Variants in CAMTA1 observed in about 807,000 individuals in gnomAD.
The protein encoded by CAMTA1 is calmodulin binding transcription activator 1, also known as calmodulin-binding transcription activator 1.
CAMTA1 carries 27 observed loss-of-function variants against 170.9 expected under a neutral mutation model. The observed-to-expected ratio is 0.16, with a 90% CI of 0.12 to 0.22. The LOEUF (loss-of-function observed/expected upper bound fraction) is 0.22. Among genes scored for constraint, CAMTA1 ranks in the 10% least tolerant of loss-of-function variants. The pLI is 1.00. For missense variants in CAMTA1, 1,619 were observed against 2,217.2 expected (o/e 0.73, Z 5.42); for synonymous variants, 833 against 891.5 (o/e 0.93, Z 1.17).
intron 4 of CAMTA1, among the ~76,000 whole-genome samples, chr1:7,209,008 G>T (rs1321016597): frequency 6.6e-6 from 1 of 152,138 alleles, no homozygotes; most frequent in African/African-American, 2.4e-5. Context: ...TCCTAGTCTG[G>T]CCATGATACC....
intron 3 of CAMTA1, among the ~76,000 whole-genome samples, chr1:6,980,960 G>A (rs1490952709): frequency 6.6e-6 from 1 of 152,086 alleles, no homozygotes; most frequent in African/African-American, 2.4e-5. Flanking sequence ...GTCACTGGGT[G>A]TGTGGTTCCC....
intron 6 of CAMTA1, among the ~76,000 whole-genome samples, chr1:7,521,790 G>A (rs576952731): frequency 8.7e-4 from 133 of 152,172 alleles, no homozygotes; most frequent in Middle Eastern, 3.4e-3. Flanking sequence ...CTCATGATCC[G>A]CCCACCTCTG....
At chr1:7,111,913 C>A (rs1235811005) in intron 4 of CAMTA1, among the ~76,000 whole-genome samples, 6 of 141,270 alleles carry the variant, frequency 4.2e-5, no homozygotes, top group South Asian at 4.7e-4. Flanking sequence ...AAAAAAAAAA[C>A]CGAAGACTGA....
At chr1:7,730,747 A>G (rs1158047354) in intron 11 of CAMTA1, among the ~76,000 whole-genome samples, 3 of 151,906 alleles carry the variant, frequency 2.0e-5, no homozygotes, top group East Asian at 1.9e-4. Flanking sequence ...AATACAAAAA[A>G]GATTAGCTGG....
intron 5 of CAMTA1, among the ~76,000 whole-genome samples, chr1:7,368,341 T>C (rs922848128): frequency 2.6e-5 from 4 of 151,326 alleles, no homozygotes; most frequent in Admixed American, 2.6e-4. Context: ...GCACTTATTG[T>C]TTCATTGGGT....
At position 7,744,806 on chromosome 1, in the gene CAMTA1, C is replaced by A. The variant is rs779060056; in HGVS notation, c.4183-29C>A. On this transcript the variant is annotated intron_variant, in intron 16 of 22. Transcript: ENST00000303635. ...ATAACTTGTAAGGTTCCTTTCTAAC[C>A]TGAGTGTTCTGTGAACTTCTGACTT... The A allele has an allele frequency of 3.1e-6, 5 of 1,598,432 alleles. No homozygotes were observed. The South Asian group carries it at 4.5e-5, about 14-fold the overall frequency.
Position 7,173,433 on chromosome 1 carries a change from G to A in CAMTA1, c.303-76058G>A, listed in dbSNP as rs1212801589. On this transcript the variant is annotated intron_variant, in intron 4 of 22. Coordinates refer to ENST00000303635, the MANE Select transcript of CAMTA1 (RefSeq NM_015215.4). This position sits in a 1 kb window ranked among gnomAD's most constrained non-coding sequence, Gnocchi z 5.4. ...ACTGATTTTCACTCTAGTCATCCAG[G>A]CTGGAGTATAACAGTGTGATCTTGG... is the stretch of plus-strand genomic sequence containing the variant. Among the ~76,000 whole-genome samples, 2 of 152,108 alleles carry A rather than the reference G, an allele frequency of 1.3e-5. No homozygotes were observed. Among genetic ancestry groups the A allele is most frequent in the Non-Finnish European group, 2.9e-5 (2 of 68,030 alleles).
At chr1:6,803,874 C>G (rs1644187660) in intron 1 of CAMTA1, among the ~76,000 whole-genome samples, 1 of 152,116 alleles carries the variant, frequency 6.6e-6, no homozygotes, top group African/African-American at 2.4e-5. Flanking sequence ...ATCACCATGC[C>G]TAGCTGATTA....
intron 11 of CAMTA1, chr1:7,693,313 G>A (rs35333954): frequency 0.1 from 15,490 of 152,234 alleles, 894 homozygotes; most frequent in Middle Eastern, 0.16. Context: ...ATTCACTATC[G>A]TGAGAACAAC....
intron 3 of CAMTA1, among the ~76,000 whole-genome samples, chr1:6,910,511 C>T (rs546722403): frequency 6.6e-6 from 1 of 152,080 alleles, no homozygotes; most frequent in Admixed American, 6.5e-5. Context: ...TTGAGGGGAG[C>T]AGGGTGGGGA....
chr1:7,689,160 G>A (rs527290000), intron 11 of CAMTA1, among the ~76,000 whole-genome samples: 6 of 150,894 alleles, frequency 4.0e-5, no homozygotes, highest in African/African-American at 1.2e-4. Context: ...CCAGCTACTC[G>A]GGAGGCTGAG....
rs557504469 is a variant in CAMTA1 at position 7,283,561 on chromosome 1, A to G, written c.438+33935A>G. 5.5e-4 allele frequency among the ~76,000 whole-genome samples: 83 copies of G among 151,686 alleles called. No individual in the cohort carries two copies. The South Asian group carries it at 0.017, about 32-fold the overall frequency. ...TTCACTACTTGACGTCTCCCCTTAG[A>G]CTCTTTGGACTCCCCTAAGTCCAAA... On this transcript the variant is annotated intron_variant, in intron 5 of 22. Transcript: ENST00000303635.
At chr1:7,364,447 C>T (rs975359618) in intron 5 of CAMTA1, among the ~76,000 whole-genome samples, 1 of 144,408 alleles carries the variant, frequency 6.9e-6, no homozygotes, top group African/African-American at 2.6e-5. Context: ...CCTTGTGACT[C>T]TTTTTTTTTT....
At position 7,456,298 on chromosome 1, in the gene CAMTA1, A is replaced by G. The variant is rs1030097130; in HGVS notation, c.439-11532A>G. On this transcript the variant is annotated intron_variant, in intron 5 of 22. Transcript: ENST00000303635. This position sits in a 1 kb window ranked among gnomAD's most constrained non-coding sequence, Gnocchi z 4.9. Reference sequence around the variant, plus strand: ...GCAAGAAGAATGGGAGGGAGGAAGGACAGGGAGCGGGAAGGAGGAAGGCAG... The same window carrying G: ...GCAAGAAGAATGGGAGGGAGGAAGGGCAGGGAGCGGGAAGGAGGAAGGCAG... Among the ~76,000 whole-genome samples the G allele has an allele frequency of 6.6e-6, 1 of 151,750 alleles. No homozygotes were observed. Among genetic ancestry groups the G allele is most frequent in the Admixed American group, 6.6e-5 (1 of 15,228 alleles).
intron 11 of CAMTA1, among the ~76,000 whole-genome samples, chr1:7,689,744 G>A (rs912442845): frequency 1.3e-5 from 2 of 152,116 alleles, no homozygotes; most frequent in African/African-American, 2.4e-5. Context: ...TCGCTGAATC[G>A]GGATGGAAGT....
chr1:7,732,089 GTATT>G lies in CAMTA1; in HGVS notation c.2915-349_2915-346del, dbSNP rs1461628309. Among the ~76,000 whole-genome samples, 2 of 142,720 alleles carry G rather than the reference GTATT, an allele frequency of 1.4e-5. No homozygotes were observed. The highest frequency in any genetic ancestry group is 5.2e-5 in the African/African-American group (2 of 38,570). The allele number at this position is 142,720 out of a possible 152,430, so 93.6% of individuals were successfully genotyped here. On this transcript the variant is annotated intron_variant, in intron 11 of 22. Coordinates refer to ENST00000303635, the MANE Select transcript of CAMTA1 (RefSeq NM_015215.4). This position sits in a 1 kb window ranked among gnomAD's most constrained non-coding sequence, Gnocchi z 4.1. ...TTCTTCTACTAGTTTAATTTAAATT[GTATT>G]TATTTATTTTACTTGCTCTAGAGGG...
chr1:6,907,441 T>C (rs1209873868), intron 3 of CAMTA1, among the ~76,000 whole-genome samples: 1 of 152,166 alleles, frequency 6.6e-6, no homozygotes, highest in African/African-American at 2.4e-5. Context: ...GTGAGTGGGT[T>C]GCTGCAGCTT....
At chr1:7,026,353 G>C (rs769368445) in intron 3 of CAMTA1, among the ~76,000 whole-genome samples, 2 of 151,882 alleles carry the variant, frequency 1.3e-5, no homozygotes, top group Non-Finnish European at 2.9e-5. Context: ...ATGTCCAGGG[G>C]GGGAGTCATC....
Position 7,435,556 on chromosome 1 carries a change from G to A in CAMTA1, c.439-32274G>A, listed in dbSNP as rs1027878935. 1.3e-5 allele frequency among the ~76,000 whole-genome samples: 2 copies of A among 152,208 alleles called. No individual in the cohort carries two copies. The highest frequency in any genetic ancestry group is 4.8e-5 in the African/African-American group (2 of 41,458). On this transcript the variant is annotated intron_variant, in intron 5 of 22. Coordinates refer to ENST00000303635, the MANE Select transcript of CAMTA1 (RefSeq NM_015215.4). This position sits in a 1 kb window ranked among gnomAD's most constrained non-coding sequence, Gnocchi z 4.4. The stretch of plus-strand genomic sequence containing the variant: ...GGCAGTGGGCTCTTCAGGGTTCTCA[G>A]CCTGGTTCACTGTGGTGGCAGTGGA...
Sources: allele counts gnomAD v4.1 joint callset (sites outside exome capture counted in the v4.1 genomes callset), GRCh38; gene constraint gnomAD v4.1.1; non-coding constraint Gnocchi (gnomAD v3.1); transcripts MANE v1.5; gene names NCBI Gene and HGNC (gene_info 2026-07-23, HGNC 2026-07-21).